The following NRXN1 variants were observed in gnomAD, a reference collection of about 807,000 sequenced individuals.
The protein encoded by NRXN1 is neurexin 1.
In NRXN1, 39 loss-of-function variants were observed where a neutral mutation model predicts 150.9. The observed-to-expected ratio is 0.26, with a 90% confidence interval of 0.20 to 0.34. The LOEUF (loss-of-function observed/expected upper bound fraction) is 0.34, where lower values mean the gene tolerates loss of function less well. Ranked by LOEUF, NRXN1 falls within the 10% of genes least tolerant of loss-of-function variation. The probability of loss-of-function intolerance (pLI) is 1.00; values close to 1 mark genes in which losing one functional copy is unlikely to be tolerated. For synonymous variants in NRXN1, 924 were observed against 757.0 expected (o/e 1.22, Z -3.62); for missense variants, 1,815 against 1,949.9 (o/e 0.93, Z 1.30).
chr2:50,683,646 A>AAAAAAAAAAATATAT, intron 5 of NRXN1, among the ~76,000 whole-genome samples: 11 of 14,904 alleles, frequency 7.4e-4, no homozygotes, highest in African/African-American at 2.2e-3. Context: ...AAAAAAAAAA[A>AAAAAAAAAAATATAT]ATATATATAT....
At chr2:50,634,880 G>A (rs1480628939) in intron 5 of NRXN1, among the ~76,000 whole-genome samples, 1 of 152,092 alleles carries the variant, frequency 6.6e-6, no homozygotes, top group Non-Finnish European at 1.5e-5. Context: ...GACCTCTGCT[G>A]CCCTTCATGC....
chr2:50,795,652 G>A (rs980942228), intron 5 of NRXN1, among the ~76,000 whole-genome samples: 2 of 151,560 alleles, frequency 1.3e-5, no homozygotes, highest in African/African-American at 4.9e-5. Flanking sequence ...CACTTTGGCT[G>A]TGAAATCATC....
At chr2:50,553,795 G>T (rs1667852349) in intron 8 of NRXN1, among the ~76,000 whole-genome samples, 1 of 152,190 alleles carries the variant, frequency 6.6e-6, no homozygotes, top group African/African-American at 2.4e-5. Context: ...GCACTTCAGT[G>T]AAAGAGGCTA....
intron 21 of NRXN1, among the ~76,000 whole-genome samples, chr2:49,952,813 T>A (rs765629900): frequency 7.2e-5 from 11 of 152,136 alleles, no homozygotes; most frequent in Non-Finnish European, 1.2e-4. Flanking sequence ...TAAGTGCCAA[T>A]GAGATATTCA....
chr2:50,426,603 T>C (rs1309373348), intron 17 of NRXN1, among the ~76,000 whole-genome samples: 1 of 152,196 alleles, frequency 6.6e-6, no homozygotes, highest in East Asian at 1.9e-4. Flanking sequence ...CAGGACAATT[T>C]CCACATCTAA....
intron 2 of NRXN1, among the ~76,000 whole-genome samples, chr2:50,965,295 A>G (rs991707735): frequency 6.6e-5 from 10 of 151,364 alleles, no homozygotes; most frequent in South Asian, 4.1e-4. Flanking sequence ...ATGGAGAGAC[A>G]TTACAATGCT....
At chr2:50,536,662 A>G (rs1368897181) in intron 10 of NRXN1, among the ~76,000 whole-genome samples, 1 of 152,316 alleles carries the variant, frequency 6.6e-6, no homozygotes, top group African/African-American at 2.4e-5. Flanking sequence ...TTAAAATTAA[A>G]ACAAAACCTT....
At chr2:49,963,364 A>G (rs1211746114) in intron 21 of NRXN1, among the ~76,000 whole-genome samples, 1 of 152,210 alleles carries the variant, frequency 6.6e-6, no homozygotes, top group East Asian at 1.9e-4. Context: ...GTTCTGGTGT[A>G]GGCAAAGTAG....
At chr2:50,958,635 G>T (rs1198403191) in intron 2 of NRXN1, among the ~76,000 whole-genome samples, 2 of 152,032 alleles carry the variant, frequency 1.3e-5, no homozygotes, top group Admixed American at 6.6e-5. Context: ...AATGCCATTT[G>T]TAAGTAGAGG....
intron 5 of NRXN1, among the ~76,000 whole-genome samples, chr2:50,690,522 A>G (rs1691921777): frequency 6.6e-6 from 1 of 152,158 alleles, no homozygotes; most frequent in Non-Finnish European, 1.5e-5. Flanking sequence ...ATAGAAAAAC[A>G]TTTGCAAGTC....
At chr2:50,610,402 G>A (rs542137130) in intron 8 of NRXN1, among the ~76,000 whole-genome samples, 10 of 151,684 alleles carry the variant, frequency 6.6e-5, no homozygotes, top group African/African-American at 2.4e-4. Context: ...ACTGAGCAGA[G>A]AGACAAACTC....
At chr2:50,076,899 G>A (rs1573770523) in intron 19 of NRXN1, among the ~76,000 whole-genome samples, 1 of 152,222 alleles carries the variant, frequency 6.6e-6, no homozygotes, top group African/African-American at 2.4e-5. Flanking sequence ...GCACAACAAA[G>A]GTCTGAGCAT....
chr2:50,302,483 A>C (rs914461514), intron 17 of NRXN1, among the ~76,000 whole-genome samples: 1 of 152,156 alleles, frequency 6.6e-6, no homozygotes, highest in Non-Finnish European at 1.5e-5. Flanking sequence ...CACCATACCA[A>C]AAGTCAAGAA....
chr2:50,046,753 C>T (rs1691866742), intron 21 of NRXN1, among the ~76,000 whole-genome samples: 1 of 152,092 alleles, frequency 6.6e-6, no homozygotes, highest in African/African-American at 2.4e-5. Context: ...CTTCTGGAGT[C>T]AACGCCCTTG....
intron 18 of NRXN1, among the ~76,000 whole-genome samples, chr2:50,113,686 TCCTTTTGTGACTC>T (rs1175323694): frequency 1.3e-5 from 2 of 152,192 alleles, no homozygotes; most frequent in Non-Finnish European, 2.9e-5. Flanking sequence ...ATTTTGGCTA[TCCTTTTGTGACTC>T]CCTTTATCTT....
intron 19 of NRXN1, 46 bp from the exon 20 acceptor site, chr2:50,055,090 CA>C (rs1164687147): frequency 1.5e-6 from 2 of 1,335,534 alleles, no homozygotes; most frequent in Non-Finnish European, 2.1e-6. Flanking sequence ...TCTGTAAGGT[CA>C]AAGGTTAAAA....
chr2:51,024,314 A>G (rs964057833), intron 2 of NRXN1, among the ~76,000 whole-genome samples: 2 of 152,206 alleles, frequency 1.3e-5, no homozygotes, highest in African/African-American at 4.8e-5. Flanking sequence ...GTCAAAGAAC[A>G]TAAGTGATGC....
chr2:50,821,538 A>C (rs933276580), intron 5 of NRXN1, among the ~76,000 whole-genome samples: 1 of 152,186 alleles, frequency 6.6e-6, no homozygotes, highest in African/African-American at 2.4e-5. Flanking sequence ...ACATATGTAA[A>C]TAGCTAAGAA....
intron 18 of NRXN1, among the ~76,000 whole-genome samples, chr2:50,210,885 T>C (rs2062967807): frequency 6.6e-6 from 1 of 151,600 alleles, no homozygotes; most frequent in Non-Finnish European, 1.5e-5. Context: ...AAAATTACTT[T>C]CACATACATA....
Sources: gnomAD v4.1 joint callset for allele counts (sites outside exome capture counted in the v4.1 genomes callset) on GRCh38, gnomAD v4.1.1 for gene constraint, MANE v1.5 for transcripts, NCBI Gene and HGNC (gene_info 2026-07-23, HGNC 2026-07-21) for gene names.